The following ULK4 variants were observed in gnomAD, a reference collection of about 807,000 sequenced individuals.
ULK4 encodes the protein inactive serine/threonine-protein kinase ULK4.
A neutral mutation model predicts 160.6 loss-of-function variants in ULK4; 133 were observed. The observed-to-expected ratio is 0.83, with a 90% CI of 0.72 to 0.96. The LOEUF is 0.96. Among genes scored for constraint, ULK4 ranks in the 40% least tolerant of loss-of-function variants. The probability of loss-of-function intolerance (pLI) is 0.00; values close to 1 mark genes in which losing one functional copy is unlikely to be tolerated. For synonymous variants in ULK4, 534 were observed against 539.8 expected (o/e 0.99, Z 0.15); for missense variants, 1,580 against 1,499.5 (o/e 1.05, Z -0.89).
intron 29 of ULK4, among the ~76,000 whole-genome samples, chr3:41,676,291 A>G (rs2035712426): frequency 6.6e-6 from 1 of 152,208 alleles, no homozygotes; most frequent in Non-Finnish European, 1.5e-5. Flanking sequence ...TCTTGACCTT[A>G]GTGAAAATGT....
intron 2 of ULK4, among the ~76,000 whole-genome samples, chr3:41,945,145 A>G (rs1700076586): frequency 1.3e-5 from 2 of 152,330 alleles, no homozygotes; most frequent in East Asian, 1.9e-4. Context: ...TTAAGGAATC[A>G]AGACTCTGCC....
intron 32 of ULK4, among the ~76,000 whole-genome samples, chr3:41,493,295 C>A (rs2084860339): frequency 6.9e-6 from 1 of 145,530 alleles, no homozygotes; most frequent in African/African-American, 2.6e-5. Flanking sequence ...GGCTCAACTG[C>A]ATGGAAACTG....
At chr3:41,765,495 A>G (rs541001394) in intron 21 of ULK4, among the ~76,000 whole-genome samples, 1 of 152,154 alleles carries the variant, frequency 6.6e-6, no homozygotes, top group Non-Finnish European at 1.5e-5. Flanking sequence ...AACATAGCAC[A>G]TGTATACATA....
intron 35 of ULK4, among the ~76,000 whole-genome samples, chr3:41,308,271 C>A (rs2079986284): frequency 6.6e-6 from 1 of 151,930 alleles, no homozygotes. Context: ...CCTTAGGGTA[C>A]CTGGAAGAAT....
At chr3:41,882,420 A>C (rs1697557070) in intron 17 of ULK4, 1 of 629,686 alleles carries the variant, frequency 1.6e-6, no homozygotes, top group East Asian at 2.7e-5. Flanking sequence ...CTCAATTCAG[A>C]CTAGCTTTTC....
chr3:41,791,721 G>A (rs1329066067), intron 20 of ULK4, among the ~76,000 whole-genome samples: 2 of 152,078 alleles, frequency 1.3e-5, no homozygotes, highest in African/African-American at 4.8e-5. Flanking sequence ...ACATTTATGG[G>A]AGATTTTTAA....
intron 27 of ULK4, among the ~76,000 whole-genome samples, chr3:41,698,758 C>T (rs771547996): frequency 6.6e-6 from 1 of 152,096 alleles, no homozygotes; most frequent in African/African-American, 2.4e-5. Flanking sequence ...AACATACTCA[C>T]GTAAGTAGCA....
At chr3:41,388,433 A>T in intron 35 of ULK4, among the ~76,000 whole-genome samples, 1 of 151,930 alleles carries the variant, frequency 6.6e-6, no homozygotes, top group East Asian at 1.9e-4. Flanking sequence ...GGTGTTTTAG[A>T]CATGAAGTCC....
intron 33 of ULK4, among the ~76,000 whole-genome samples, chr3:41,460,287 T>C (rs2083652978): frequency 6.6e-6 from 1 of 152,120 alleles, no homozygotes; most frequent in Non-Finnish European, 1.5e-5. Context: ...AAGGCCCAGA[T>C]TGGAAAGTCA....
At chr3:41,644,438 C>T (rs2034382918) in intron 30 of ULK4, among the ~76,000 whole-genome samples, 1 of 152,142 alleles carries the variant, frequency 6.6e-6, no homozygotes, top group South Asian at 2.1e-4. Flanking sequence ...TTTTCTGCAT[C>T]TATTGAGATA....
chr3:41,402,610 T>C (rs796182343), intron 34 of ULK4, among the ~76,000 whole-genome samples: 9 of 152,346 alleles, frequency 5.9e-5, no homozygotes, highest in African/African-American at 1.9e-4. Flanking sequence ...TGTCAATCCA[T>C]ATGATCGTGT....
At chr3:41,808,863 C>T (rs934994419) in intron 19 of ULK4, among the ~76,000 whole-genome samples, 1 of 152,150 alleles carries the variant, frequency 6.6e-6, no homozygotes, top group African/African-American at 2.4e-5. Flanking sequence ...TACACAGTCG[C>T]TGACTTAAGA....
intron 32 of ULK4, among the ~76,000 whole-genome samples, chr3:41,493,043 T>C (rs376829830): frequency 5.5e-4 from 63 of 113,688 alleles, no homozygotes; most frequent in Admixed American, 1.6e-3. Context: ...AACAAGGATA[T>C]ACAGGAATTG....
chr3:41,419,040 C>T (rs1009125344), intron 34 of ULK4, among the ~76,000 whole-genome samples: 2 of 152,132 alleles, frequency 1.3e-5, no homozygotes, highest in African/African-American at 4.8e-5. Flanking sequence ...TTCATAAGTC[C>T]TGTGGCATTA....
chr3:41,509,766 A>G (rs953194064), intron 32 of ULK4, among the ~76,000 whole-genome samples: 7 of 152,214 alleles, frequency 4.6e-5, no homozygotes, highest in Admixed American at 3.9e-4. Context: ...TTTCCAGACA[A>G]ACAAATTCTG....
intron 24 of ULK4, 77 bp from the exon 25 acceptor site, chr3:41,715,370 G>C: frequency 1.1e-5 from 17 of 1,610,252 alleles, no homozygotes; most frequent in Non-Finnish European, 1.4e-5. Context: ...AAAATGTTTT[G>C]AGTTGAGGAT....
rs188400533 is a variant in ULK4 at position 41,472,467 on chromosome 3, G to C, written c.3227-9214C>G. 1.8e-4 allele frequency among the ~76,000 whole-genome samples: 28 copies of C among 152,064 alleles called. No individual in the cohort carries two copies. The East Asian group carries it at 5.0e-3, about 27-fold the overall frequency. ...GCCTGTAATGCCAGCTACTTAGGAG[G>C]CTGAGGCAAGAGAATCACTTGAGCC... is the stretch of plus-strand genomic sequence containing the variant. On this transcript the variant is annotated intron_variant, in intron 32 of 36. Coordinates refer to ENST00000301831, the MANE Select transcript of ULK4 (RefSeq NM_017886.4).
chr3:41,800,562 T>C (rs1401723382), intron 19 of ULK4, among the ~76,000 whole-genome samples: 1 of 152,184 alleles, frequency 6.6e-6, no homozygotes, highest in African/African-American at 2.4e-5. Flanking sequence ...AAGGTTGCAG[T>C]GAGCTGTGAT....
At chr3:41,645,717 G>A (rs1184166749) in intron 30 of ULK4, among the ~76,000 whole-genome samples, 1 of 152,098 alleles carries the variant, frequency 6.6e-6, no homozygotes, top group Non-Finnish European at 1.5e-5. Flanking sequence ...TCTGCTTGGT[G>A]CAGAGCTGAG....
Sources: gnomAD v4.1 joint callset for allele counts (sites outside exome capture counted in the v4.1 genomes callset) on GRCh38, gnomAD v4.1.1 for gene constraint, MANE v1.5 for transcripts, NCBI Gene and HGNC (gene_info 2026-07-23, HGNC 2026-07-21) for gene names.